Variants in KATNAL2 observed in about 807,000 individuals in gnomAD.
KATNAL2 encodes the protein katanin catalytic subunit A1 like 2.
Under a neutral mutation model 76.3 loss-of-function variants are expected in KATNAL2, and 52 were observed. The observed-to-expected ratio is 0.68, with a 90% CI of 0.55 to 0.86. The LOEUF (loss-of-function observed/expected upper bound fraction) is 0.86, where lower values mean the gene tolerates loss of function less well. Ranked by LOEUF, KATNAL2 falls within the 40% of genes least tolerant of loss-of-function variation. The pLI is 0.00. For synonymous variants in KATNAL2, 243 were observed against 244.2 expected (o/e 1.00, Z 0.05); for missense variants, 660 against 668.9 (o/e 0.99, Z 0.15).
chr18:47,089,604 G>A, intron 15 of KATNAL2, among the ~76,000 whole-genome samples: 1 of 152,108 alleles, frequency 6.6e-6, no homozygotes, highest in Non-Finnish European at 1.5e-5. Flanking sequence ...CTCTGTGGAG[G>A]CCACATCTGT....
chr18:47,022,936 T>TGGCA, intron 3 of KATNAL2: 1 of 1,108,280 alleles, frequency 9.0e-7, no homozygotes, highest in African/African-American at 2.0e-5. Context: ...CACCTGGAGC[T>TGGCA]GGCAGGCAGG....
chr18:47,100,413 C>A, intron 17 of KATNAL2, 57 bp downstream of exon 17: 2 of 1,399,504 alleles, frequency 1.4e-6, no homozygotes, highest in Non-Finnish European at 2.0e-6. Flanking sequence ...ATCCCTCTCA[C>A]CAGCAGATGG....
chr18:46,957,642 A>C (rs1210267701), intron 3 of KATNAL2, among the ~76,000 whole-genome samples: 1 of 145,742 alleles, frequency 6.9e-6, no homozygotes, highest in Non-Finnish European at 1.5e-5. Flanking sequence ...GGCTCACTGA[A>C]ACCTCTGCCT....
intron 3 of KATNAL2, among the ~76,000 whole-genome samples, chr18:47,031,694 G>T (rs2060459737): frequency 6.6e-6 from 1 of 152,186 alleles, no homozygotes; most frequent in Middle Eastern, 3.4e-3. Context: ...GGTCGTCCTG[G>T]TCTTTAACTC....
rs1156593115 is a variant in KATNAL2, at chr18:47,036,548, G to A, written c.52-9909G>A. Among the ~76,000 whole-genome samples, 3 of 151,986 alleles carry A rather than the reference G, an allele frequency of 2.0e-5. No individual in the cohort carries two copies. In the East Asian group the frequency reaches 5.8e-4, roughly 29 times the overall value. On this transcript the variant is annotated intron_variant, in intron 3 of 17. Coordinates refer to ENST00000683218, the MANE Select transcript of KATNAL2 (RefSeq NM_001387690.1). ...TCCAGTGTAGCCATGTTTTATCCCC[G>A]CTTACAAATCTTGGAATAAATATTT...
At chr18:46,953,015 C>T (rs1478950497) in intron 3 of KATNAL2, among the ~76,000 whole-genome samples, 2 of 151,350 alleles carry the variant, frequency 1.3e-5, no homozygotes, top group South Asian at 2.1e-4. Context: ...CTGACTCAGC[C>T]TTCTGAGTAA....
chr18:47,079,306 T>C (rs913921712), intron 15 of KATNAL2, among the ~76,000 whole-genome samples: 5 of 152,254 alleles, frequency 3.3e-5, no homozygotes, highest in African/African-American at 1.2e-4. Context: ...CTCTTTACCA[T>C]TGACTTACTG....
chr18:47,046,412 T>C (rs2147059430), intron 3 of KATNAL2, 45 bp from the exon 4 acceptor site: 1 of 1,255,192 alleles, frequency 8.0e-7, no homozygotes, highest in Non-Finnish European at 1.1e-6. Context: ...GTAGGAGCAG[T>C]GTTATTTTTT....
At chr18:46,955,132 T>TTCTCTC (rs200821465) in intron 3 of KATNAL2, among the ~76,000 whole-genome samples, 4 of 131,686 alleles carry the variant, frequency 3.0e-5, no homozygotes, top group African/African-American at 1.2e-4. Context: ...CTTTCTTTCT[T>TTCTCTC]TCTCTCTCTC....
chr18:46,961,363 G>A (rs938605567), intron 3 of KATNAL2, among the ~76,000 whole-genome samples: 2 of 152,174 alleles, frequency 1.3e-5, no homozygotes, highest in Non-Finnish European at 2.9e-5. Flanking sequence ...CACTTATTAT[G>A]GGGAGTTCTC....
chr18:46,941,590 A>G (rs796898112), intron 1 of KATNAL2, among the ~76,000 whole-genome samples: 7 of 152,288 alleles, frequency 4.6e-5, no homozygotes, highest in African/African-American at 1.7e-4. Flanking sequence ...TATCCACCTA[A>G]TAGTATAATT....
intron 1 of KATNAL2, among the ~76,000 whole-genome samples, chr18:46,933,902 G>GT (rs1408346475): frequency 6.7e-6 from 1 of 148,192 alleles, no homozygotes; most frequent in Non-Finnish European, 1.5e-5. Context: ...GTGGTGTTTG[G>GT]TTTTTTGTCC....
chr18:46,926,153 TC>T (rs1309351193), intron 1 of KATNAL2, among the ~76,000 whole-genome samples: 2 of 152,328 alleles, frequency 1.3e-5, no homozygotes, highest in Admixed American at 1.3e-4. Flanking sequence ...CTCTTGCTTT[TC>T]TAGTTCTTTT....
At chr18:47,046,280 G>A (rs2147058648) in intron 3 of KATNAL2, 177 bp from the exon 4 acceptor site, 1 of 581,136 alleles carries the variant, frequency 1.7e-6, no homozygotes, top group Non-Finnish European at 3.0e-6. Context: ...AGGCAGCTGT[G>A]AGAAGAAAAT....
intron 3 of KATNAL2, among the ~76,000 whole-genome samples, chr18:46,966,584 G>A: frequency 2.6e-5 from 1 of 38,898 alleles, no homozygotes; most frequent in African/African-American, 1.4e-4. Flanking sequence ...CATTTTGGCA[G>A]GGGAAAGGTT....
chr18:46,939,017 G>A (rs771110757), intron 1 of KATNAL2, among the ~76,000 whole-genome samples: 10 of 152,224 alleles, frequency 6.6e-5, no homozygotes, highest in South Asian at 2.1e-4. Flanking sequence ...ATTGACTCAC[G>A]TCAAGTATGA....
At chr18:47,054,530 G>A (rs2061419357) in intron 6 of KATNAL2, 92 bp downstream of exon 6, 2 of 1,270,458 alleles carry the variant, frequency 1.6e-6, no homozygotes, top group African/African-American at 1.5e-5. Flanking sequence ...CTCTGTGACT[G>A]TCTCCCAGCA....
intron 13 of KATNAL2, among the ~76,000 whole-genome samples, chr18:47,071,953 CTTTTTTTTTTTTTT>C (rs574265545): frequency 7.0e-3 from 307 of 43,922 alleles, no homozygotes; most frequent in Middle Eastern, 0.033. Flanking sequence ...CCAATTTCTT[CTTTTTTTTTTTTTT>C]TTTTTTTTTT....
rs764878833 is a variant in KATNAL2, at chr18:47,077,368, G to T, written c.1118G>T (p.Ser373Ile). The change falls in exon 15 of 18, where the codon AGC becomes ATC. Residue 373 changes from serine to isoleucine, a missense_variant. By Grantham distance (142) the Ser-to-Ile change is moderately radical (BLOSUM62 -2). Transcript: ENST00000683218. ...GTASGGEHEGSLRMKTELLVQ... is the reference protein window; with the variant it reads ...GTASGGEHEGILRMKTELLVQ... ...CTCTGTAGGGGAGAACATGAAGGAA[G>T]CCTGCGGATGAAGACAGAGTTACTG... 1 of 1,613,672 alleles carries T rather than the reference G, an allele frequency of 6.2e-7. No homozygotes were observed. Among genetic ancestry groups the T allele is most frequent in the East Asian group, 2.2e-5 (1 of 44,872 alleles).
Sources: allele counts gnomAD v4.1 joint callset (sites outside exome capture counted in the v4.1 genomes callset), GRCh38; gene constraint gnomAD v4.1.1; transcripts MANE v1.5; gene names NCBI Gene and HGNC (gene_info 2026-07-23, HGNC 2026-07-21).